The following LRRTM4 variants were observed in gnomAD, a reference collection of about 807,000 sequenced individuals.
LRRTM4 encodes the protein leucine rich repeat transmembrane neuronal 4, also known as leucine-rich repeat transmembrane neuronal protein 4.
Under a neutral mutation model 47.6 loss-of-function variants are expected in LRRTM4, and 25 were observed. The ratio of observed to expected loss-of-function variants is 0.53; its 90% CI spans 0.38 to 0.73. The LOEUF (loss-of-function observed/expected upper bound fraction) is 0.73. Among genes scored for constraint, LRRTM4 ranks in the 30% least tolerant of loss-of-function variants. LRRTM4 has a pLI of 0.00. For synonymous variants in LRRTM4, 311 were observed against 269.5 expected (o/e 1.15, Z -1.51); for missense variants, 638 against 713.4 (o/e 0.89, Z 1.20).
intron 3 of LRRTM4, among the ~76,000 whole-genome samples, chr2:77,325,804 G>A (rs1270994585): frequency 6.6e-6 from 1 of 152,102 alleles, no homozygotes; most frequent in Non-Finnish European, 1.5e-5. Flanking sequence ...ATCTATGGTT[G>A]ACTCTAAAGG....
chr2:77,292,075 G>A (rs1014169961), intron 3 of LRRTM4, among the ~76,000 whole-genome samples: 2 of 151,812 alleles, frequency 1.3e-5, no homozygotes, highest in Non-Finnish European at 2.9e-5. Context: ...CATTTATGCA[G>A]CCAAAAAAAC....
At chr2:76,879,834 G>C (rs1238404975) in intron 3 of LRRTM4, among the ~76,000 whole-genome samples, 1 of 152,186 alleles carries the variant, frequency 6.6e-6, no homozygotes, top group Non-Finnish European at 1.5e-5. Flanking sequence ...AACATTAATA[G>C]GAGTCTGGAA....
At chr2:76,972,385 G>A (rs1340258433) in intron 3 of LRRTM4, among the ~76,000 whole-genome samples, 2 of 149,566 alleles carry the variant, frequency 1.3e-5, no homozygotes, top group African/African-American at 4.9e-5. Flanking sequence ...TATATCATCG[G>A]TAGTCCATTC....
intron 3 of LRRTM4, among the ~76,000 whole-genome samples, chr2:77,423,821 A>G (rs1266360019): frequency 3.3e-5 from 5 of 152,162 alleles, no homozygotes; most frequent in Non-Finnish European, 7.3e-5. Context: ...GGTAGATGAA[A>G]ATGGACCCCG....
intron 3 of LRRTM4, among the ~76,000 whole-genome samples, chr2:77,454,518 AGAAACAAATTT>A (rs1410764781): frequency 6.6e-6 from 1 of 152,172 alleles, no homozygotes. Flanking sequence ...ACCATAACAT[AGAAACAAATTT>A]ACAAATGAAC....
chr2:76,883,265 C>T (rs1485168577), intron 3 of LRRTM4, among the ~76,000 whole-genome samples: 1 of 152,146 alleles, frequency 6.6e-6, no homozygotes. Flanking sequence ...TCAGTCTGTG[C>T]TAGTATGAGC....
chr2:77,168,011 G>GT (rs1019493015), intron 3 of LRRTM4, among the ~76,000 whole-genome samples: 1 of 151,984 alleles, frequency 6.6e-6, no homozygotes, highest in African/African-American at 2.4e-5. Context: ...TAGGGAATCT[G>GT]TTTTTTCCGC....
At chr2:77,145,691 G>A (rs974995920) in intron 3 of LRRTM4, among the ~76,000 whole-genome samples, 8 of 151,708 alleles carry the variant, frequency 5.3e-5, no homozygotes, top group East Asian at 1.9e-4. Flanking sequence ...GGAGAATGGC[G>A]TGAACCCGGG....
At chr2:77,079,831 ACTTT>A (rs1310992525) in intron 3 of LRRTM4, among the ~76,000 whole-genome samples, 2 of 151,964 alleles carry the variant, frequency 1.3e-5, no homozygotes, top group Admixed American at 1.3e-4. Context: ...CTATTCTTTT[ACTTT>A]TTTTTAGTTT....
chr2:77,197,143 C>A (rs1405615774), intron 3 of LRRTM4, among the ~76,000 whole-genome samples: 1 of 152,070 alleles, frequency 6.6e-6, no homozygotes, highest in Admixed American at 6.6e-5. Flanking sequence ...AGTAGGCATT[C>A]TTGCCTCTTT....
intron 3 of LRRTM4, among the ~76,000 whole-genome samples, chr2:76,860,280 A>G (rs1672274933): frequency 6.6e-6 from 1 of 152,192 alleles, no homozygotes; most frequent in Non-Finnish European, 1.5e-5. Context: ...GAAGATATTT[A>G]GAGTTTAGTT....
Position 77,518,574 on chromosome 2 carries a change from A to G in LRRTM4, c.1295T>C (p.Leu432Pro), listed in dbSNP as rs1482799724. The G allele has an allele frequency of 6.2e-7, 1 of 1,613,358 alleles. No homozygotes were observed. Among genetic ancestry groups the G allele is most frequent in the Non-Finnish European group, 8.5e-7 (1 of 1,179,656 alleles). Residue 432 changes from leucine (L) to proline (P), a missense_variant, in exon 3 of 4, where the codon CTC (leucine) becomes CCC (proline). By Grantham distance (98) the Leu-to-Pro change is moderately conservative. Coordinates refer to ENST00000409884, the MANE Select transcript of LRRTM4 (RefSeq NM_001134745.3). The part of the protein sequence containing the change: ...FHKIIAGSVA[L>P]FLSVAMILLV... The stretch of plus-strand genomic sequence containing the variant: ...GAGGATCATGGCCACTGAGAGAAAG[A>G]GAGCCACACTCCCGGCAATAATTTT...
At chr2:77,482,133 A>T (rs1180579921) in intron 3 of LRRTM4, among the ~76,000 whole-genome samples, 1 of 152,164 alleles carries the variant, frequency 6.6e-6, no homozygotes, top group African/African-American at 2.4e-5. Flanking sequence ...TGATTTTTTT[A>T]AAAAAGAAGA....
intron 3 of LRRTM4, among the ~76,000 whole-genome samples, chr2:76,897,713 C>T (rs1673470680): frequency 6.6e-6 from 1 of 152,144 alleles, no homozygotes; most frequent in South Asian, 2.1e-4. Flanking sequence ...ACTGGCTGGG[C>T]TATGACATTT....
rs1671139603 is a variant in LRRTM4, at chr2:77,107,825, A to T, written c.1552-358909T>A. The stretch of plus-strand genomic sequence containing the variant: ...AAGAGTGAAAATCCAACTCAAAAAA[A>T]AAAAAAAAAAAGAAAGAAAGAAAAG... On this transcript the variant is annotated intron_variant, in intron 3 of 3. Transcript: ENST00000409884. Among the ~76,000 whole-genome samples the T allele has an allele frequency of 2.0e-5, 3 of 151,446 alleles. No individual in the cohort carries two copies. In the South Asian group the frequency reaches 6.2e-4, roughly 31 times the overall value.
At chr2:77,226,475 G>C (rs1472787559) in intron 3 of LRRTM4, among the ~76,000 whole-genome samples, 1 of 148,992 alleles carries the variant, frequency 6.7e-6, no homozygotes, top group Non-Finnish European at 1.5e-5. Flanking sequence ...TGCCATTGTT[G>C]GTGTTTGTTT....
At chr2:76,874,312 C>T (rs1460843872) in intron 3 of LRRTM4, among the ~76,000 whole-genome samples, 1 of 151,956 alleles carries the variant, frequency 6.6e-6, no homozygotes, top group Non-Finnish European at 1.5e-5. Flanking sequence ...TCACTAGACA[C>T]ACTCAACACC....
At chr2:77,111,051 A>C (rs1572972184) in intron 3 of LRRTM4, among the ~76,000 whole-genome samples, 1 of 152,208 alleles carries the variant, frequency 6.6e-6, no homozygotes, top group Non-Finnish European at 1.5e-5. Context: ...AGAAGCAAGA[A>C]GTGGCTATTT....
chr2:77,331,041 A>T (rs1199366043), intron 3 of LRRTM4, among the ~76,000 whole-genome samples: 1 of 152,124 alleles, frequency 6.6e-6, no homozygotes, highest in Non-Finnish European at 1.5e-5. Context: ...ATCCATTTCC[A>T]AAAATGGTTT....
Sources: allele counts gnomAD v4.1 joint callset (sites outside exome capture counted in the v4.1 genomes callset), GRCh38; gene constraint gnomAD v4.1.1; transcripts MANE v1.5; gene names NCBI Gene and HGNC (gene_info 2026-07-23, HGNC 2026-07-21).